The following ANO4 variants were observed in gnomAD, a reference collection of about 807,000 sequenced individuals.
ANO4 encodes anoctamin 4.
In ANO4, 69 loss-of-function variants were observed where a neutral mutation model predicts 141.9. That is an observed-to-expected ratio of 0.49 (90% CI 0.40 to 0.59). The LOEUF (loss-of-function observed/expected upper bound fraction) is 0.59. ANO4 is among the 20% of genes least tolerant of loss of function. The pLI, the probability that ANO4 is intolerant of heterozygous loss-of-function variation, is 0.00. For missense variants in ANO4, 894 were observed against 1,162.2 expected (o/e 0.77, Z 3.36); for synonymous variants, 350 against 394.3 (o/e 0.89, Z 1.33).
intron 6 of ANO4, among the ~76,000 whole-genome samples, chr12:100,972,953 C>T (rs904461849): frequency 6.6e-6 from 1 of 152,256 alleles, no homozygotes; most frequent in Admixed American, 6.5e-5. Flanking sequence ...AATAACACTT[C>T]TGCATGCCTA....
intron 8 of ANO4, among the ~76,000 whole-genome samples, chr12:100,988,714 C>T (rs669122): frequency 0.83 from 124,457 of 150,772 alleles, 51,568 homozygotes; most frequent in African/African-American, 0.87. Context: ...CTACTAAAAA[C>T]ACAAAAATTA....
intron 1 of ANO4, among the ~76,000 whole-genome samples, chr12:100,819,672 A>T (rs1455562459): frequency 1.3e-5 from 2 of 152,038 alleles, no homozygotes; most frequent in Non-Finnish European, 2.9e-5. Flanking sequence ...GTTTGACTTA[A>T]AGAACCTGAG....
At chr12:101,020,653 G>C (rs2046488941) in intron 9 of ANO4, among the ~76,000 whole-genome samples, 1 of 152,162 alleles carries the variant, frequency 6.6e-6, no homozygotes, top group Admixed American at 6.5e-5. Flanking sequence ...TCGAGGGGTA[G>C]GGTGTTCCCA....
intron 3 of ANO4, among the ~76,000 whole-genome samples, chr12:100,763,576 A>G (rs1317581685): frequency 1.3e-5 from 2 of 152,188 alleles, no homozygotes; most frequent in African/African-American, 4.8e-5. Context: ...CTGTTTACAA[A>G]TGGCTGACTT....
Position 100,939,167 on chromosome 12 carries a change from T to A in ANO4, c.161-148T>A, listed in dbSNP as rs528743971. 233 of 798,636 alleles carry A rather than the reference T, an allele frequency of 2.9e-4. 4 individuals are homozygous for A. The South Asian group carries it at 5.4e-3, about 19-fold the overall frequency. 49.5% of individuals were successfully genotyped at this position (798,636 alleles called of 1,614,324 possible). A position where few individuals can be genotyped will look rare whatever the true frequency, so the allele number is the denominator to read the frequency against. On this transcript the variant is annotated intron_variant, in intron 3 of 27. Coordinates refer to ENST00000392977, the MANE Select transcript of ANO4 (RefSeq NM_001286615.2). ...AACATGTTTTATGTCTGACATACTT[T>A]TCTTTTAGGAAATAATATGCTTGTC...
At chr12:101,066,766 G>A in intron 14 of ANO4, 1 of 971,676 alleles carries the variant, frequency 1.0e-6, no homozygotes, top group Non-Finnish European at 1.7e-6. Context: ...TGCAGCAGCA[G>A]GAGGAGGACC....
intron 1 of ANO4, among the ~76,000 whole-genome samples, chr12:100,810,606 GGAGGTGGTGA>G (rs1436717667): frequency 6.6e-6 from 1 of 152,158 alleles, no homozygotes; most frequent in Non-Finnish European, 1.5e-5. Context: ...TAGTGATTCT[GGAGGTGGTGA>G]GAGGTGGTAG....
intron 1 of ANO4, among the ~76,000 whole-genome samples, chr12:100,809,924 G>A (rs891966857): frequency 1.1e-4 from 17 of 152,112 alleles, no homozygotes; most frequent in African/African-American, 3.6e-4. Context: ...GAGCCCCTAT[G>A]GAAGATTTAT....
intron 1 of ANO4, among the ~76,000 whole-genome samples, chr12:100,797,354 A>G (rs935837724): frequency 6.6e-6 from 1 of 151,382 alleles, no homozygotes; most frequent in Non-Finnish European, 1.5e-5. Flanking sequence ...ATTTCTTTGA[A>G]TTGGGAGAGT....
intron 2 of ANO4, 74 bp from the exon 3 acceptor site, chr12:100,922,152 C>A: frequency 9.3e-7 from 1 of 1,076,830 alleles, no homozygotes; most frequent in Non-Finnish European, 1.3e-6. Context: ...TTTGACATAG[C>A]TTCTCCTTGG....
intron 5 of ANO4, among the ~76,000 whole-genome samples, chr12:100,955,235 A>G (rs963540436): frequency 1.3e-5 from 2 of 152,258 alleles, no homozygotes; most frequent in African/African-American, 4.8e-5. Flanking sequence ...GCAATTGAGC[A>G]GGACTTGGTA....
intron 7 of ANO4, among the ~76,000 whole-genome samples, chr12:100,978,423 A>T (rs1016146704): frequency 2.0e-5 from 3 of 152,216 alleles, no homozygotes; most frequent in Non-Finnish European, 2.9e-5. Context: ...TCAAGGTTTT[A>T]TGGGATATTA....
rs556978948 is a variant in ANO4 at position 100,859,957 on chromosome 12, G to A, written c.-140-41689G>A. Among the ~76,000 whole-genome samples, 17 of 152,160 alleles carry A rather than the reference G, an allele frequency of 1.1e-4. No homozygotes were observed. In the East Asian group the frequency reaches 1.7e-3, roughly 16 times the overall value. ...CCATCACCTATCATAAAATTAATTA[G>A]CATTGGAAATTCTCTTTGTACAATC... On this transcript the variant is annotated intron_variant, in intron 1 of 27. Coordinates refer to ENST00000392977, the MANE Select transcript of ANO4 (RefSeq NM_001286615.2).
intron 2 of ANO4, among the ~76,000 whole-genome samples, chr12:100,905,695 T>C (rs1989678029): frequency 6.6e-6 from 1 of 152,056 alleles, no homozygotes. Flanking sequence ...AGTGAAGAAA[T>C]AGGGCAGCAG....
intron 1 of ANO4, among the ~76,000 whole-genome samples, chr12:100,831,984 TATTCC>T (rs1286283183): frequency 6.6e-6 from 1 of 152,122 alleles, no homozygotes; most frequent in African/African-American, 2.4e-5. Flanking sequence ...GTACCGTCTT[TATTCC>T]CATATTACAA....
At chr12:100,735,605 C>G (rs966287556) in intron 2 of ANO4, among the ~76,000 whole-genome samples, 1 of 152,018 alleles carries the variant, frequency 6.6e-6, no homozygotes, top group African/African-American at 2.4e-5. Context: ...CAGAAATCAA[C>G]TAGGGAGGTG....
chr12:100,955,842 G>A (rs1420338847), intron 5 of ANO4, among the ~76,000 whole-genome samples: 1 of 152,166 alleles, frequency 6.6e-6, no homozygotes, highest in African/African-American at 2.4e-5. Context: ...TGGCATTCCA[G>A]ATGGGAAACA....
chr12:100,844,323 C>T (rs2037446869), intron 1 of ANO4, among the ~76,000 whole-genome samples: 1 of 151,966 alleles, frequency 6.6e-6, no homozygotes, highest in African/African-American at 2.4e-5. Flanking sequence ...ATATTCTATC[C>T]AGTGTGGATT....
intron 5 of ANO4, 77 bp from the exon 6 acceptor site, chr12:100,971,229 A>T: frequency 2.9e-6 from 3 of 1,021,138 alleles, no homozygotes; most frequent in Non-Finnish European, 4.5e-6. Flanking sequence ...AGGTCCATGC[A>T]TTCTAAGTTC....
Sources: gnomAD v4.1 joint callset for allele counts (sites outside exome capture counted in the v4.1 genomes callset) on GRCh38, gnomAD v4.1.1 for gene constraint, MANE v1.5 for transcripts, NCBI Gene and HGNC (gene_info 2026-07-23, HGNC 2026-07-21) for gene names.